The following TMCO4 variants were observed in gnomAD, a reference collection of about 807,000 sequenced individuals.
TMCO4 encodes the protein transmembrane and coiled-coil domains 4.
TMCO4 carries 58 observed loss-of-function variants against 64.7 expected under a neutral mutation model. That is an observed-to-expected ratio of 0.90 (90% CI 0.73 to 1.12). The LOEUF (loss-of-function observed/expected upper bound fraction) is 1.12. TMCO4 is among the 50% of genes most tolerant of loss of function. The pLI, the probability that TMCO4 is intolerant of heterozygous loss-of-function variation, is 0.00. For synonymous variants in TMCO4, 325 were observed against 346.1 expected (o/e 0.94, Z 0.68); for missense variants, 780 against 825.9 (o/e 0.94, Z 0.68).
chr1:19,709,321 C>G (rs1000663772), intron 13 of TMCO4, among the ~76,000 whole-genome samples: 1 of 151,638 alleles, frequency 6.6e-6, no homozygotes, highest in Admixed American at 6.6e-5. Flanking sequence ...ATCTGCACTG[C>G]CTGACCTCCC....
chr1:19,727,626 G>C (rs1349771635), intron 13 of TMCO4, among the ~76,000 whole-genome samples: 1 of 152,132 alleles, frequency 6.6e-6, no homozygotes, highest in African/African-American at 2.4e-5. Context: ...CATCCAACCA[G>C]GAGGGGCTGA....
chr1:19,697,074 A>C (rs531092792), intron 14 of TMCO4, among the ~76,000 whole-genome samples: 1 of 152,330 alleles, frequency 6.6e-6, no homozygotes, highest in East Asian at 1.9e-4. Flanking sequence ...GGACATGTAT[A>C]CACAGGTGTT....
intron 13 of TMCO4, among the ~76,000 whole-genome samples, chr1:19,736,723 A>C: frequency 6.6e-6 from 1 of 152,264 alleles, no homozygotes; most frequent in South Asian, 2.1e-4. Context: ...TTGCACAGAA[A>C]GGATGACACT....
chr1:19,709,222 C>G (rs746844792), intron 13 of TMCO4, among the ~76,000 whole-genome samples: 17 of 152,044 alleles, frequency 1.1e-4, no homozygotes, highest in Non-Finnish European at 2.2e-4. Flanking sequence ...TTCATCTCTC[C>G]TCTTTGATTC....
chr1:19,695,455 C>A (rs1288561659), intron 14 of TMCO4, among the ~76,000 whole-genome samples: 2 of 152,224 alleles, frequency 1.3e-5, no homozygotes, highest in Non-Finnish European at 2.9e-5. Flanking sequence ...CCCTCTGCAC[C>A]CCAGGCTCAG....
chr1:19,709,293 G>GT (rs1416065992), intron 13 of TMCO4, among the ~76,000 whole-genome samples: 2 of 152,052 alleles, frequency 1.3e-5, no homozygotes, highest in East Asian at 3.9e-4. Flanking sequence ...CGGCGGGGGG[G>GT]GGGGACCCTA....
chr1:19,784,986 G>A (rs1184265833), intron 3 of TMCO4, among the ~76,000 whole-genome samples: 2 of 152,130 alleles, frequency 1.3e-5, no homozygotes, highest in Non-Finnish European at 2.9e-5. Context: ...AAGCTTAAAT[G>A]TCCTGTGCAA....
chr1:19,770,057 C>T (rs2042916696), intron 6 of TMCO4, among the ~76,000 whole-genome samples: 1 of 152,230 alleles, frequency 6.6e-6, no homozygotes, highest in African/African-American at 2.4e-5. Flanking sequence ...GAGAGCCACA[C>T]CAGAGGGGCT....
chr1:19,735,609 A>G (rs1247550708), intron 13 of TMCO4, among the ~76,000 whole-genome samples: 2 of 152,116 alleles, frequency 1.3e-5, no homozygotes, highest in African/African-American at 2.4e-5. Context: ...CCAGCCTCAC[A>G]TTCTGGGGAC....
rs766647459 is a variant in TMCO4, at chr1:19,694,515, G to T, written c.1419C>A (p.Ser473=). The change falls in exon 15 of 16, where the codon TCC becomes TCA. Residue 473 remains serine (S), a synonymous_variant. Transcript: ENST00000294543. ...GGCCGGCGACACGGAGCTGCACCGA[G>T]GATGTGCGGTACACGAAACTCAGCA... ...DWLLSFVYRT[S]SVQLRVAGLQ... is the part of the protein sequence containing the mutation. 2 of 1,614,006 alleles carry T rather than the reference G, an allele frequency of 1.2e-6. No homozygotes were observed. Among genetic ancestry groups the T allele is most frequent in the Admixed American group, 1.7e-5 (1 of 60,002 alleles).
rs1194778930 is a variant in TMCO4, at chr1:19,693,177, A to C, written c.1500+1257T>G. 1.2e-3 allele frequency among the ~76,000 whole-genome samples: 144 copies of C among 122,734 alleles called. 4 individuals carry two copies. The highest frequency in any genetic ancestry group is 4.1e-3 in the African/African-American group (123 of 29,844). 80.5% of individuals were successfully genotyped at this position (122,734 alleles called of 152,430 possible). A position where few individuals can be genotyped will look rare whatever the true frequency, so the allele number is the denominator to read the frequency against. On this transcript the variant is annotated intron_variant, in intron 15 of 15. Transcript: ENST00000294543. ...GAGACCCCATCTCAAAAAAAAAAAAAAAAAAAAAAAAAAAAAAAAAAAAGG... is the reference window on the plus strand; with the variant it reads ...GAGACCCCATCTCAAAAAAAAAAAACAAAAAAAAAAAAAAAAAAAAAAAGG...
Position 19,783,923 on chromosome 1 carries a change from AG to A in TMCO4, c.-9+3102del, listed in dbSNP as rs1315491179. Among the ~76,000 whole-genome samples, 3 of 152,196 alleles carry A rather than the reference AG, an allele frequency of 2.0e-5. No homozygotes were observed. In the East Asian group the frequency reaches 5.8e-4, roughly 29 times the overall value. ...TTTGCAGCAAATTTCCCTGGCTCAGAGGGTCAGCTCAGACCATGGTGGTGGG... is the reference window on the plus strand; with the variant it reads ...TTTGCAGCAAATTTCCCTGGCTCAGAGGTCAGCTCAGACCATGGTGGTGGG... On this transcript the variant is annotated intron_variant, in intron 3 of 15. Transcript: ENST00000294543.
chr1:19,765,221 C>G (rs988581794), intron 6 of TMCO4, among the ~76,000 whole-genome samples: 8 of 152,160 alleles, frequency 5.3e-5, no homozygotes, highest in Non-Finnish European at 8.8e-5. Flanking sequence ...TCCTGGGCTA[C>G]TCACTTAACC....
At chr1:19,780,018 A>C (rs1300080260) in intron 4 of TMCO4, among the ~76,000 whole-genome samples, 3 of 152,156 alleles carry the variant, frequency 2.0e-5, no homozygotes, top group African/African-American at 7.2e-5. Context: ...CCTTTTTGGC[A>C]CCAGGGACTG....
intron 4 of TMCO4, among the ~76,000 whole-genome samples, chr1:19,776,966 G>A (rs1372217298): frequency 7.0e-6 from 1 of 143,702 alleles, no homozygotes; most frequent in Admixed American, 7.2e-5. Context: ...GGCAGAGGTT[G>A]CAGTGAGCCA....
At chr1:19,684,356 C>T (rs1444533531) in intron 15 of TMCO4, among the ~76,000 whole-genome samples, 1 of 151,884 alleles carries the variant, frequency 6.6e-6, no homozygotes, top group Non-Finnish European at 1.5e-5. Flanking sequence ...GAACTCTTGG[C>T]CTCAAGAAAT....
In TMCO4 at chr1:19,683,378, T is replaced by C; in HGVS notation, c.1567A>G (p.Lys523Glu). ...AGCCCCTTCTCGTCCCAGCCTGGCTTGGTGCGGATGCCCACGGCCTTCAGG... is the reference window on the plus strand; with the variant it reads ...AGCCCCTTCTCGTCCCAGCCTGGCTCGGTGCGGATGCCCACGGCCTTCAGG... ...AILKAVGIRT[K>E]PGWDEKGLLL... Residue 523 changes from lysine to glutamate, a missense_variant, in exon 16 of 16, where the codon AAG (lysine) becomes GAG (glutamate). By Grantham distance (56) the Lys-to-Glu change is moderately conservative. Coordinates refer to ENST00000294543, the MANE Select transcript of TMCO4 (RefSeq NM_181719.7). The C allele has an allele frequency of 1.9e-6, 3 of 1,613,846 alleles. No homozygotes were observed. Among genetic ancestry groups the C allele is most frequent in the Non-Finnish European group, 2.5e-6 (3 of 1,180,028 alleles).
intron 14 of TMCO4, among the ~76,000 whole-genome samples, chr1:19,694,907 A>G (rs1032840300): frequency 6.6e-6 from 1 of 152,248 alleles, no homozygotes; most frequent in Non-Finnish European, 1.5e-5. Context: ...AAAGTTCTCA[A>G]AAAGTCACCA....
chr1:19,762,546 T>C (rs1439643748), intron 6 of TMCO4, among the ~76,000 whole-genome samples: 1 of 152,232 alleles, frequency 6.6e-6, no homozygotes, highest in Non-Finnish European at 1.5e-5. Context: ...ATGATGGGAC[T>C]CCTTCGCCCA....
Sources: gnomAD v4.1 joint callset for allele counts (sites outside exome capture counted in the v4.1 genomes callset) on GRCh38, gnomAD v4.1.1 for gene constraint, MANE v1.5 for transcripts, NCBI Gene and HGNC (gene_info 2026-07-23, HGNC 2026-07-21) for gene names.